The following GRID1 variants were observed in gnomAD, a reference collection of about 807,000 sequenced individuals.
The protein encoded by GRID1 is glutamate receptor ionotropic, delta-1.
A neutral mutation model predicts 98.0 loss-of-function variants in GRID1; 28 were observed. The observed-to-expected ratio is 0.29, with a 90% CI of 0.21 to 0.39. GRID1 has a LOEUF of 0.39. Among genes scored for constraint, GRID1 ranks in the 10% least tolerant of loss-of-function variants. The pLI, the probability that GRID1 is intolerant of heterozygous loss-of-function variation, is 1.00. For synonymous variants in GRID1, 553 were observed against 538.5 expected (o/e 1.03, Z -0.37); for missense variants, 1,111 against 1,340.5 (o/e 0.83, Z 2.67).
intron 3 of GRID1, among the ~76,000 whole-genome samples, chr10:86,199,530 A>G (rs1845919179): frequency 6.6e-6 from 1 of 151,966 alleles, no homozygotes; most frequent in South Asian, 2.1e-4. Flanking sequence ...CCAGCCCCCA[A>G]CTCTCCAGCC....
chr10:86,029,784 A>G (rs1479037777), intron 4 of GRID1, among the ~76,000 whole-genome samples: 1 of 152,164 alleles, frequency 6.6e-6, no homozygotes, highest in Non-Finnish European at 1.5e-5. Context: ...TGGGCAATTA[A>G]CCTGCAAATT....
In GRID1 at chr10:85,961,747, T is replaced by C. The variant is rs895585592; in HGVS notation, c.727-45508A>G. Among the ~76,000 whole-genome samples the C allele has an allele frequency of 2.0e-5, 3 of 151,894 alleles. No individual in the cohort carries two copies. In the East Asian group the frequency reaches 5.8e-4, roughly 29 times the overall value. On this transcript the variant is annotated intron_variant, in intron 4 of 15. Transcript: ENST00000327946. Reference sequence around the variant, plus strand: ...TTCCTTCCTTCCCATCCTCCTTCTATCTTTCCTTCCTCCCTCTCTTCCCTT... The same window carrying C: ...TTCCTTCCTTCCCATCCTCCTTCTACCTTTCCTTCCTCCCTCTCTTCCCTT...
intron 4 of GRID1, among the ~76,000 whole-genome samples, chr10:85,999,152 C>T (rs1164330680): frequency 1.3e-5 from 2 of 149,154 alleles, no homozygotes; most frequent in East Asian, 2.0e-4. Flanking sequence ...GCAGAGGTTG[C>T]AGTGAGCCAA....
At chr10:86,357,083 T>G (rs1188563563) in intron 2 of GRID1, among the ~76,000 whole-genome samples, 2 of 152,340 alleles carry the variant, frequency 1.3e-5, no homozygotes, top group African/African-American at 4.8e-5. Flanking sequence ...GTCAAAGTAC[T>G]CATGTCCTAG....
At chr10:86,207,881 C>T (rs1846055893) in intron 2 of GRID1, among the ~76,000 whole-genome samples, 1 of 152,134 alleles carries the variant, frequency 6.6e-6, no homozygotes, top group African/African-American at 2.4e-5. Context: ...CCGCCCGTCT[C>T]GACCTCCCAA....
intron 3 of GRID1, among the ~76,000 whole-genome samples, chr10:86,199,723 G>A (rs532012109): frequency 3.3e-5 from 5 of 152,226 alleles, no homozygotes; most frequent in South Asian, 2.1e-4. Context: ...TGGGAAATTC[G>A]GGTCCTACCT....
chr10:85,610,339 C>A (rs1039593188), intron 15 of GRID1, among the ~76,000 whole-genome samples: 2 of 152,328 alleles, frequency 1.3e-5, no homozygotes, highest in African/African-American at 2.4e-5. Flanking sequence ...GCATTTAAGT[C>A]CTTCGGAGCA....
chr10:86,127,146 G>A (rs1844765841), intron 4 of GRID1, among the ~76,000 whole-genome samples: 1 of 152,200 alleles, frequency 6.6e-6, no homozygotes, highest in Non-Finnish European at 1.5e-5. Context: ...GCTAGGCACA[G>A]GGCAGTCTCC....
chr10:85,971,702 T>A (rs967990248), intron 4 of GRID1, among the ~76,000 whole-genome samples: 12 of 152,078 alleles, frequency 7.9e-5, no homozygotes, highest in African/African-American at 2.9e-4. Context: ...CTAAGTGTTG[T>A]TGAGAATGTA....
At chr10:86,008,872 C>T (rs1298823532) in intron 4 of GRID1, among the ~76,000 whole-genome samples, 1 of 152,090 alleles carries the variant, frequency 6.6e-6, no homozygotes, top group African/African-American at 2.4e-5. Flanking sequence ...AGCGCCACTC[C>T]AAGAGAAACT....
At chr10:86,269,404 G>A (rs1456522480) in intron 2 of GRID1, among the ~76,000 whole-genome samples, 1 of 152,182 alleles carries the variant, frequency 6.6e-6, no homozygotes, top group African/African-American at 2.4e-5. Context: ...TGGCCTCACT[G>A]AGGCCAATAC....
chr10:86,161,107 A>G (rs12769721), intron 3 of GRID1, among the ~76,000 whole-genome samples: 4 of 152,194 alleles, frequency 2.6e-5, no homozygotes, highest in African/African-American at 4.8e-5. Context: ...CAGCAACAAC[A>G]GACAGGCTAC....
intron 12 of GRID1, among the ~76,000 whole-genome samples, chr10:85,696,919 A>C (rs1018179462): frequency 1.3e-5 from 2 of 151,964 alleles, no homozygotes; most frequent in African/African-American, 4.8e-5. Context: ...TGTTAGTTAT[A>C]TTTCCTGTGA....
intron 2 of GRID1, among the ~76,000 whole-genome samples, chr10:86,212,097 T>A (rs1300277437): frequency 6.6e-6 from 1 of 152,142 alleles, no homozygotes; most frequent in Non-Finnish European, 1.5e-5. Context: ...CTATTCTCCA[T>A]CCCCGTGGGG....
At chr10:86,084,218 A>G (rs982681255) in intron 4 of GRID1, among the ~76,000 whole-genome samples, 1 of 152,052 alleles carries the variant, frequency 6.6e-6, no homozygotes, top group African/African-American at 2.4e-5. Flanking sequence ...CCAGGCTGTG[A>G]GCACCACCGA....
chr10:85,768,175 T>C (rs1254925380), intron 8 of GRID1, among the ~76,000 whole-genome samples: 1 of 152,180 alleles, frequency 6.6e-6, no homozygotes, highest in Non-Finnish European at 1.5e-5. Flanking sequence ...GTGGAAAATA[T>C]GAAGTATTCA....
At chr10:86,279,421 T>C (rs917528262) in intron 2 of GRID1, among the ~76,000 whole-genome samples, 14 of 152,178 alleles carry the variant, frequency 9.2e-5, no homozygotes, top group African/African-American at 3.1e-4. Flanking sequence ...ATAAAAATGA[T>C]AATACATCAC....
chr10:85,846,799 G>A (rs1164323758), intron 8 of GRID1, among the ~76,000 whole-genome samples: 2 of 152,190 alleles, frequency 1.3e-5, no homozygotes, highest in Non-Finnish European at 2.9e-5. Flanking sequence ...CCAGTGAACT[G>A]CAAGATTTTC....
chr10:85,846,122 A>C (rs1414742528), intron 8 of GRID1, among the ~76,000 whole-genome samples: 3 of 152,254 alleles, frequency 2.0e-5, no homozygotes, highest in Non-Finnish European at 4.4e-5. Context: ...ACTTCAGTTT[A>C]TATTAGTAAA....
Sources: allele counts gnomAD v4.1 joint callset (sites outside exome capture counted in the v4.1 genomes callset), GRCh38; gene constraint gnomAD v4.1.1; transcripts MANE v1.5; gene names NCBI Gene and HGNC (gene_info 2026-07-23, HGNC 2026-07-21).